CNTN4: variants seen among roughly 807,000 people sequenced by gnomAD.
CNTN4 encodes the protein contactin 4.
In CNTN4, 77 loss-of-function variants were observed where a neutral mutation model predicts 122.5. That is an observed-to-expected ratio of 0.63 (90% confidence interval 0.52 to 0.76). The LOEUF (loss-of-function observed/expected upper bound fraction) is 0.76, where lower values mean the gene tolerates loss of function less well. Among genes scored for constraint, CNTN4 ranks in the 30% least tolerant of loss-of-function variants. CNTN4 has a pLI of 0.00. For synonymous variants in CNTN4, 512 were observed against 447.0 expected (o/e 1.15, Z -1.83); for missense variants, 1,256 against 1,259.1 (o/e 1.00, Z 0.04).
At chr3:2,790,203 T>C (rs1272205679) in intron 6 of CNTN4, among the ~76,000 whole-genome samples, 1 of 152,232 alleles carries the variant, frequency 6.6e-6, no homozygotes, top group Non-Finnish European at 1.5e-5. Context: ...CTGAGTTTGT[T>C]AGATTTTCAT....
intron 3 of CNTN4, among the ~76,000 whole-genome samples, chr3:2,340,481 T>A (rs1352623290): frequency 6.6e-6 from 1 of 151,162 alleles, no homozygotes. Flanking sequence ...TTAAAAAAAA[T>A]AATAATCCTG....
At position 2,983,283 on chromosome 3, in the gene CNTN4, T is replaced by C. The variant is rs1427935158; in HGVS notation, c.1359-5062T>C. Among the ~76,000 whole-genome samples, 5 of 137,160 alleles carry C rather than the reference T, an allele frequency of 3.6e-5. No individual in the cohort carries two copies. The Admixed American group carries it at 3.8e-4, about 11-fold the overall frequency. The allele number at this position is 137,160 out of a possible 152,430, so 90.0% of individuals were successfully genotyped here. A position where few individuals can be genotyped will look rare whatever the true frequency, so the allele number is the denominator to read the frequency against. ...ACAAAGCCTAATATATAGGAGGTAT[T>C]TAGTAAAGAACTATGAATAAATGGG... is the stretch of plus-strand genomic sequence containing the variant. On this transcript the variant is annotated intron_variant, in intron 13 of 24. Coordinates refer to ENST00000418658, the MANE Select transcript of CNTN4 (RefSeq NM_175607.3).
intron 6 of CNTN4, among the ~76,000 whole-genome samples, chr3:2,781,309 T>C (rs2091558511): frequency 6.6e-6 from 1 of 152,214 alleles, no homozygotes; most frequent in Non-Finnish European, 1.5e-5. Context: ...TTTATCATCA[T>C]TAACAAATCA....
intron 3 of CNTN4, among the ~76,000 whole-genome samples, chr3:2,473,247 A>AAC (rs1553659887): frequency 0.015 from 2,198 of 143,850 alleles, 81 homozygotes; most frequent in African/African-American, 0.037. Flanking sequence ...AAAAAAAAAA[A>AAC]AAAAACACCT....
At chr3:2,249,964 TG>T (rs1434560975) in intron 2 of CNTN4, among the ~76,000 whole-genome samples, 1 of 151,880 alleles carries the variant, frequency 6.6e-6, no homozygotes, top group Non-Finnish European at 1.5e-5. Flanking sequence ...CAGAAATGGA[TG>T]TAAAGCAGTG....
rs941088060 is a variant in CNTN4, at chr3:2,392,902, G to A, written c.-89+53669G>A. On this transcript the variant is annotated intron_variant, in intron 3 of 24. Transcript: ENST00000418658. ...ATTCCTCCTATTTAACTAAAACTTC[G>A]TACGTTTACCTCTTTCTGGAACTCT... Among the ~76,000 whole-genome samples the A allele has an allele frequency of 3.3e-5, 5 of 151,896 alleles. No individual in the cohort carries two copies. In the East Asian group the frequency reaches 7.7e-4, roughly 23 times the overall value.
intron 13 of CNTN4, among the ~76,000 whole-genome samples, chr3:2,986,160 C>T (rs1216350811): frequency 7.9e-5 from 12 of 152,174 alleles, no homozygotes; most frequent in Non-Finnish European, 1.8e-4. Context: ...AGTGATCCTC[C>T]TGCCTCAGCC....
intron 14 of CNTN4, among the ~76,000 whole-genome samples, chr3:3,013,887 A>G (rs1214000559): frequency 3.3e-5 from 5 of 152,180 alleles, no homozygotes; most frequent in East Asian, 1.9e-4. Context: ...GGCATGTGTC[A>G]TACAAATAAT....
intron 4 of CNTN4, among the ~76,000 whole-genome samples, chr3:2,627,152 C>T (rs1318772358): frequency 6.6e-6 from 1 of 152,114 alleles, no homozygotes; most frequent in Non-Finnish European, 1.5e-5. Flanking sequence ...GAAACCAAGC[C>T]CCAGGTACCT....
At chr3:2,623,149 C>T (rs1411209312) in intron 4 of CNTN4, among the ~76,000 whole-genome samples, 1 of 152,110 alleles carries the variant, frequency 6.6e-6, no homozygotes, top group Non-Finnish European at 1.5e-5. Context: ...ATCCTTTCAT[C>T]TTCACGTTTT....
At chr3:2,930,472 A>G (rs957193187) in intron 13 of CNTN4, among the ~76,000 whole-genome samples, 4 of 152,204 alleles carry the variant, frequency 2.6e-5, no homozygotes, top group African/African-American at 9.6e-5. Context: ...ACTGAGACAA[A>G]ATATTTTACT....
At chr3:2,435,968 T>C (rs888520779) in intron 3 of CNTN4, among the ~76,000 whole-genome samples, 1 of 152,166 alleles carries the variant, frequency 6.6e-6, no homozygotes, top group Non-Finnish European at 1.5e-5. Context: ...GAAGAGACAA[T>C]GCAGGTCAAA....
rs79278223 is a variant in CNTN4 at position 2,819,108 on chromosome 3, C to T, written c.359-378C>T. On this transcript the variant is annotated intron_variant, in intron 6 of 24. Coordinates refer to ENST00000418658, the MANE Select transcript of CNTN4 (RefSeq NM_175607.3). ...GTTTCTTCACCTAGACCTGCACTAT[C>T]CAATGTGATGTCCTGGCATGATGGA... Among the ~76,000 whole-genome samples the T allele has an allele frequency of 9.9e-5, 15 of 152,260 alleles. No homozygotes were observed. The East Asian group carries it at 2.7e-3, about 27-fold the overall frequency.
At chr3:2,443,206 A>G (rs1321589636) in intron 3 of CNTN4, among the ~76,000 whole-genome samples, 2 of 152,034 alleles carry the variant, frequency 1.3e-5, no homozygotes, top group Non-Finnish European at 1.5e-5. Context: ...GTTTTAAAGG[A>G]AGCCCTGTGG....
chr3:2,475,131 T>C (rs2075801052), intron 3 of CNTN4, among the ~76,000 whole-genome samples: 1 of 152,232 alleles, frequency 6.6e-6, no homozygotes, highest in Non-Finnish European at 1.5e-5. Context: ...ATTGTCATCA[T>C]TTTAAATTCT....
chr3:2,623,296 C>T (rs1191589200), intron 4 of CNTN4, among the ~76,000 whole-genome samples: 1 of 151,106 alleles, frequency 6.6e-6, no homozygotes, highest in Non-Finnish European at 1.5e-5. Flanking sequence ...CTTGTTTTGC[C>T]CATTCATGGT....
intron 3 of CNTN4, among the ~76,000 whole-genome samples, chr3:2,413,969 C>T (rs1270662416): frequency 6.6e-6 from 1 of 152,178 alleles, no homozygotes; most frequent in Non-Finnish European, 1.5e-5. Flanking sequence ...AGCCTAATCC[C>T]TATTTCAGAA....
intron 3 of CNTN4, among the ~76,000 whole-genome samples, chr3:2,399,117 G>A (rs1299757545): frequency 6.6e-6 from 1 of 151,896 alleles, no homozygotes; most frequent in African/African-American, 2.4e-5. Flanking sequence ...AGAAAGAAAA[G>A]AGAAAAAAAT....
intron 4 of CNTN4, among the ~76,000 whole-genome samples, chr3:2,645,343 T>G (rs1419915256): frequency 2.6e-5 from 4 of 152,184 alleles, no homozygotes; most frequent in Non-Finnish European, 4.4e-5. Context: ...GTGAAGAACA[T>G]GATGTTATTA....
Sources: gnomAD v4.1 joint callset for allele counts (sites outside exome capture counted in the v4.1 genomes callset) on GRCh38, gnomAD v4.1.1 for gene constraint, MANE v1.5 for transcripts, NCBI Gene and HGNC (gene_info 2026-07-23, HGNC 2026-07-21) for gene names.